Variants in PELI1 observed in about 807,000 individuals in gnomAD.
PELI1 encodes E3 ubiquitin-protein ligase pellino homolog 1.
Under a neutral mutation model 41.3 loss-of-function variants are expected in PELI1, and 15 were observed. That is an observed-to-expected ratio of 0.36 (90% CI 0.24 to 0.56). PELI1 has a LOEUF of 0.56. Among genes scored for constraint, PELI1 ranks in the 20% least tolerant of loss-of-function variants. The pLI, the probability that PELI1 is intolerant of heterozygous loss-of-function variation, is 0.82. For synonymous variants in PELI1, 178 were observed against 180.1 expected (o/e 0.99, Z 0.09); for missense variants, 403 against 525.5 (o/e 0.77, Z 2.28).
chr2:64,095,328 T>G, intron 6 of PELI1, 60 bp from the exon 7 acceptor site: 1 of 1,227,416 alleles, frequency 8.1e-7, no homozygotes, highest in South Asian at 1.4e-5. Flanking sequence ...TTTACATAAG[T>G]GTTTTGGTTT....
chr2:64,110,199 T>TG (rs1281489838), intron 1 of PELI1, among the ~76,000 whole-genome samples: 1 of 140,412 alleles, frequency 7.1e-6, no homozygotes, highest in Non-Finnish European at 1.5e-5. Flanking sequence ...GAGCCAAAAT[T>TG]GCGCCACTGC....
chr2:64,123,550 A>G (rs1681292079), intron 1 of PELI1, among the ~76,000 whole-genome samples: 1 of 152,252 alleles, frequency 6.6e-6, no homozygotes, highest in African/African-American at 2.4e-5. Flanking sequence ...CAATATGTAC[A>G]TAAAAAGATG....
At chr2:64,125,312 G>A (rs1344523687) in intron 1 of PELI1, among the ~76,000 whole-genome samples, 1 of 152,114 alleles carries the variant, frequency 6.6e-6, no homozygotes, top group Non-Finnish European at 1.5e-5. Flanking sequence ...CCCACCCTAA[G>A]TTACCTATTA....
In PELI1 at chr2:64,104,680, GC is replaced by G. The variant is rs944826291; in HGVS notation, c.201+20del. The stretch of plus-strand genomic sequence containing the variant: ...CAAATTCTCCAAGTTAATTTATGTA[GC>G]TTTTTTTTTTTTTTTTTACCTTTGC... On this transcript the variant is annotated intron_variant, in intron 3 of 6. Transcript: ENST00000358912. The G allele has an allele frequency of 7.9e-6, 11 of 1,387,848 alleles. No individual in the cohort carries two copies. In the African/African-American group the frequency reaches 1.3e-4, roughly 16 times the overall value. The allele number at this position is 1,387,848 out of a possible 1,614,324, so 86.0% of individuals were successfully genotyped here.
intron 1 of PELI1, among the ~76,000 whole-genome samples, chr2:64,124,846 G>A (rs1681334688): frequency 6.6e-6 from 1 of 151,612 alleles, no homozygotes; most frequent in Admixed American, 6.6e-5. Context: ...CAAGTTAAAG[G>A]GCTCATGCCA....
At chr2:64,095,677 CTT>C (rs145600085) in intron 6 of PELI1, among the ~76,000 whole-genome samples, 2,846 of 152,250 alleles carry the variant, frequency 0.019, 78 homozygotes, top group African/African-American at 0.064. Context: ...CTAAAATGCT[CTT>C]GTTGCCCAGG....
chr2:64,119,940 G>A (rs1405342645), intron 1 of PELI1, among the ~76,000 whole-genome samples: 4 of 152,012 alleles, frequency 2.6e-5, no homozygotes, highest in African/African-American at 9.7e-5. Flanking sequence ...TGTAAAGAAA[G>A]AAGCCCCTTT....
chr2:64,123,635 A>C (rs1180736135), intron 1 of PELI1, among the ~76,000 whole-genome samples: 1 of 152,234 alleles, frequency 6.6e-6, no homozygotes, highest in Non-Finnish European at 1.5e-5. Context: ...TCAAAAAGTC[A>C]GATAATGACA....
intron 3 of PELI1, among the ~76,000 whole-genome samples, 180 bp from the exon 4 acceptor site, chr2:64,100,679 T>TATTTA (rs1576071284): frequency 6.6e-6 from 1 of 152,266 alleles, no homozygotes; most frequent in East Asian, 1.9e-4. Flanking sequence ...TCGGGTTGAA[T>TATTTA]GGGGTACTGA....
chr2:64,102,343 C>A (rs757175055), intron 3 of PELI1, among the ~76,000 whole-genome samples: 15 of 151,660 alleles, frequency 9.9e-5, no homozygotes, highest in African/African-American at 3.2e-4. Flanking sequence ...TATATATATA[C>A]ACACGCACAC....
chr2:64,099,097 G>A (rs1301219830), intron 4 of PELI1, among the ~76,000 whole-genome samples: 11 of 151,194 alleles, frequency 7.3e-5, no homozygotes, highest in African/African-American at 2.2e-4. Context: ...AAAGATAAGC[G>A]GTAAACAAAT....
At position 64,096,287 on chromosome 2, in the gene PELI1, T is replaced by C; in HGVS notation, c.528A>G (p.Ser176=). Residue 176 remains serine (S), a synonymous_variant, in exon 6 of 7, where the codon TCA becomes TCG. Coordinates refer to ENST00000358912, the MANE Select transcript of PELI1 (RefSeq NM_020651.4). ...TGGTCAAGCCATCCATCTGTCCATC[T>C]GATGTCTTCCATTTGGCAGCCTTCT... ...LGEKAAKWKT[S]DGQMDGLTTN... 3 of 1,614,054 alleles carry C rather than the reference T, an allele frequency of 1.9e-6. No individual in the cohort carries two copies. The highest frequency in any genetic ancestry group is 2.5e-6 in the Non-Finnish European group (3 of 1,179,882).
At chr2:64,119,650 C>A (rs1157043310) in intron 1 of PELI1, among the ~76,000 whole-genome samples, 1 of 151,886 alleles carries the variant, frequency 6.6e-6, no homozygotes, top group Non-Finnish European at 1.5e-5. Context: ...AGTCTGTGGC[C>A]CAAAAGGAAA....
At position 64,093,843 on chromosome 2, in the gene PELI1, A is replaced by G. The variant is rs1307838132; in HGVS notation, c.*859T>C. On this transcript the variant is annotated 3_prime_UTR_variant, in exon 7 of 7. Coordinates refer to ENST00000358912, the MANE Select transcript of PELI1 (RefSeq NM_020651.4). ...ACAGTGAACAGATGAACCACAGTTTATATCCAAAAAATAAACTTGCCAAAT... is the reference window on the plus strand; with the variant it reads ...ACAGTGAACAGATGAACCACAGTTTGTATCCAAAAAATAAACTTGCCAAAT... 6.5e-6 allele frequency: 1 copy of G among 152,684 alleles called. No individual in the cohort carries two copies. The highest frequency in any genetic ancestry group is 1.5e-5 in the Non-Finnish European group (1 of 68,050). The allele number at this position is 152,684 out of a possible 1,614,324, so 9.5% of individuals were successfully genotyped here. A position where few individuals can be genotyped will look rare whatever the true frequency, so the allele number is the denominator to read the frequency against.
At chr2:64,097,658 A>G (rs554537708) in intron 4 of PELI1, among the ~76,000 whole-genome samples, 86 of 152,366 alleles carry the variant, frequency 5.6e-4, no homozygotes, top group Non-Finnish European at 1.1e-3. Flanking sequence ...TATTTGTTAT[A>G]AAGTAGTACC....
At chr2:64,101,703 T>TA (rs1191339993) in intron 3 of PELI1, among the ~76,000 whole-genome samples, 1 of 152,170 alleles carries the variant, frequency 6.6e-6, no homozygotes, top group African/African-American at 2.4e-5. Flanking sequence ...ACAACAGCTT[T>TA]AAGACTGTCA....
Position 64,093,402 on chromosome 2 carries a change from T to G in PELI1, c.*1300A>C, listed in dbSNP as rs781354306. 6 of 152,640 alleles carry G rather than the reference T, an allele frequency of 3.9e-5. No individual in the cohort carries two copies. Among genetic ancestry groups the G allele is most frequent in the Admixed American group, 2.0e-4 (3 of 15,282 alleles). 9.5% of individuals were successfully genotyped at this position (152,640 alleles called of 1,614,324 possible). On this transcript the variant is annotated 3_prime_UTR_variant, in exon 7 of 7. Transcript: ENST00000358912. ...GTTTCTACAAGTGTCAAAAAAAGAT[T>G]TGATGTAGTGCAACTGTCTATACTT...
At chr2:64,099,300 AG>A (rs1351563741) in intron 4 of PELI1, among the ~76,000 whole-genome samples, 1 of 151,962 alleles carries the variant, frequency 6.6e-6, no homozygotes, top group African/African-American at 2.4e-5. Flanking sequence ...TGAGTAACTG[AG>A]ACTACAGGCC....
Position 64,120,061 on chromosome 2 carries a change from T to A in PELI1, c.-69-11682A>T, listed in dbSNP as rs112336175. On this transcript the variant is annotated intron_variant, in intron 1 of 6. Coordinates refer to ENST00000358912, the MANE Select transcript of PELI1 (RefSeq NM_020651.4). ...ACATTTTCAATTGATCACACTTGTTTATTTCCAGCTTTATTCTTTACAATT... is the reference window on the plus strand; with the variant it reads ...ACATTTTCAATTGATCACACTTGTTAATTTCCAGCTTTATTCTTTACAATT... Among the ~76,000 whole-genome samples, 22 of 152,372 alleles carry A rather than the reference T, an allele frequency of 1.4e-4. 1 individual carries two copies. Among genetic ancestry groups the A allele is most frequent in the African/African-American group, 4.8e-4 (20 of 41,592 alleles).
Sources: gnomAD v4.1 joint callset for allele counts (sites outside exome capture counted in the v4.1 genomes callset) on GRCh38, gnomAD v4.1.1 for gene constraint, MANE v1.5 for transcripts, NCBI Gene and HGNC (gene_info 2026-07-23, HGNC 2026-07-21) for gene names.